The following XIRP2 variants were observed in gnomAD, a reference collection of about 807,000 sequenced individuals.
The protein encoded by XIRP2 is xin actin-binding repeat-containing protein 2.
XIRP2 carries 236 observed loss-of-function variants against 277.0 expected under a neutral mutation model. The observed-to-expected ratio is 0.85, with a 90% CI of 0.77 to 0.95. XIRP2 has a LOEUF of 0.95. XIRP2 is among the 40% of genes least tolerant of loss of function. XIRP2 has a pLI of 0.00. For missense variants in XIRP2, 4,640 were observed against 4,157.5 expected (o/e 1.12, Z -3.19); for synonymous variants, 1,490 against 1,416.5 (o/e 1.05, Z -1.17).
chr2:167,137,685 T>A (rs1291843731), intron 3 of XIRP2, among the ~76,000 whole-genome samples: 1 of 152,142 alleles, frequency 6.6e-6, no homozygotes. Context: ...ATGACTGAAA[T>A]TTAAAAGTAA....
At chr2:167,093,195 G>A (rs924977106) in intron 2 of XIRP2, among the ~76,000 whole-genome samples, 14 of 151,636 alleles carry the variant, frequency 9.2e-5, no homozygotes, top group African/African-American at 3.2e-4. Flanking sequence ...GAACATAATT[G>A]AGGTCTATAA....
At chr2:167,230,176 A>C (rs567440250) in intron 5 of XIRP2, among the ~76,000 whole-genome samples, 5 of 152,282 alleles carry the variant, frequency 3.3e-5, no homozygotes, top group Non-Finnish European at 7.4e-5. Flanking sequence ...CTTTTTCCTC[A>C]GAGTACAAAT....
chr2:166,892,643 A>G (rs867636307), intron 1 of XIRP2, among the ~76,000 whole-genome samples: 1 of 151,972 alleles, frequency 6.6e-6, no homozygotes, highest in African/African-American at 2.4e-5. Flanking sequence ...CCTTCCATCC[A>G]GGTCCCCACA....
intron 2 of XIRP2, among the ~76,000 whole-genome samples, chr2:167,068,617 T>TG (rs1045669389): frequency 2.0e-5 from 3 of 151,862 alleles, no homozygotes; most frequent in African/African-American, 7.3e-5. Flanking sequence ...CTTTTTTTTT[T>TG]CCTTTTTTAA....
chr2:167,256,909 T>G (rs1321581459), intron 10 of XIRP2, among the ~76,000 whole-genome samples: 1 of 151,882 alleles, frequency 6.6e-6, no homozygotes, highest in Non-Finnish European at 1.5e-5. Context: ...TTGATTCTAC[T>G]CTCCTATTTT....
chr2:166,899,899 G>T (rs1036631906), intron 1 of XIRP2, among the ~76,000 whole-genome samples: 11 of 152,064 alleles, frequency 7.2e-5, no homozygotes, highest in African/African-American at 2.7e-4. Context: ...CAACGTGAAT[G>T]CTGGTACTAT....
At chr2:167,119,442 A>T (rs1690991423) in intron 2 of XIRP2, among the ~76,000 whole-genome samples, 1 of 152,228 alleles carries the variant, frequency 6.6e-6, no homozygotes, top group African/African-American at 2.4e-5. Context: ...GGTCTCCATG[A>T]AACAGAGCAA....
At chr2:167,086,062 AT>A (rs1186377477) in intron 2 of XIRP2, among the ~76,000 whole-genome samples, 1 of 151,610 alleles carries the variant, frequency 6.6e-6, no homozygotes, top group African/African-American at 2.4e-5. Flanking sequence ...TTTTGGCATG[AT>A]TTTGCAGCAG....
rs1444179576 is a variant in XIRP2, at chr2:167,258,377, C to T, written c.*560C>T. On this transcript the variant is annotated 3_prime_UTR_variant, in exon 11 of 11. Coordinates refer to ENST00000409195, the MANE Select transcript of XIRP2 (RefSeq NM_152381.6). ...TTATCTACAGTCCACCCATGTTTGT[C>T]AGAAAGAGGATGTTATAGGAATCAA... 6.2e-7 allele frequency: 1 copy of T among 1,612,866 alleles called. No individual in the cohort carries two copies. The highest frequency in any genetic ancestry group is 1.7e-5 in the Admixed American group (1 of 59,878).
chr2:167,113,527 T>A (rs1690818075), intron 2 of XIRP2, among the ~76,000 whole-genome samples: 1 of 152,190 alleles, frequency 6.6e-6, no homozygotes, highest in Non-Finnish European at 1.5e-5. Context: ...ATTTTGAGCC[T>A]ATGGATGTCA....
intron 2 of XIRP2, among the ~76,000 whole-genome samples, chr2:167,015,101 C>G (rs1170947765): frequency 6.6e-6 from 1 of 151,770 alleles, no homozygotes; most frequent in South Asian, 2.1e-4. Flanking sequence ...TCACCTTTGA[C>G]CACAGGCAAG....
rs1192088014 is a variant in XIRP2 at position 167,258,614 on chromosome 2, AACACTG to A, written c.*799_*804del. On this transcript the variant is annotated 3_prime_UTR_variant, in exon 11 of 11. Transcript: ENST00000409195. Reference sequence around the variant, plus strand: ...TGGTGCAGAAGTTTTACAGGTTACTAACACTGATGATGAGATGATGCCAGAAAATCA... The same window carrying A: ...TGGTGCAGAAGTTTTACAGGTTACTAATGATGAGATGATGCCAGAAAATCA... 1.2e-6 allele frequency: 2 copies of A among 1,613,062 alleles called. No homozygotes were observed. The highest frequency in any genetic ancestry group is 1.7e-6 in the Non-Finnish European group (2 of 1,179,542).
At chr2:166,984,418 A>T (rs1399663979) in intron 2 of XIRP2, among the ~76,000 whole-genome samples, 2 of 152,172 alleles carry the variant, frequency 1.3e-5, no homozygotes, top group Non-Finnish European at 2.9e-5. Flanking sequence ...AAAATCAGTT[A>T]AAAAATGAAT....
chr2:167,082,700 T>C (rs1220099774), intron 2 of XIRP2, among the ~76,000 whole-genome samples: 3 of 152,240 alleles, frequency 2.0e-5, no homozygotes, highest in Admixed American at 6.5e-5. Context: ...TGGCCACTGA[T>C]GAGCATTTTT....
At chr2:167,027,727 C>A (rs1049084119) in intron 2 of XIRP2, among the ~76,000 whole-genome samples, 1 of 152,074 alleles carries the variant, frequency 6.6e-6, no homozygotes, top group African/African-American at 2.4e-5. Context: ...TTGTAACAGA[C>A]AGGACCCTTA....
At chr2:166,936,120 G>T (rs1189924436) in intron 2 of XIRP2, among the ~76,000 whole-genome samples, 1 of 152,180 alleles carries the variant, frequency 6.6e-6, no homozygotes, top group East Asian at 1.9e-4. Flanking sequence ...GGTGTGAGAT[G>T]GTTGTCTCAT....
chr2:167,065,570 G>T (rs1461545490), intron 2 of XIRP2, among the ~76,000 whole-genome samples: 1 of 151,486 alleles, frequency 6.6e-6, no homozygotes, highest in East Asian at 1.9e-4. Flanking sequence ...TGTGTTCTTG[G>T]TGTTATATCC....
intron 9 of XIRP2, 151 bp downstream of exon 9, chr2:167,252,098 T>C (rs1695529070): frequency 8.3e-7 from 1 of 1,200,386 alleles, no homozygotes; most frequent in Admixed American, 3.3e-5. Flanking sequence ...TATAGACTCT[T>C]TATATGCTTG....
intron 2 of XIRP2, among the ~76,000 whole-genome samples, chr2:166,911,574 C>G (rs1186176731): frequency 6.6e-6 from 1 of 152,138 alleles, no homozygotes; most frequent in Non-Finnish European, 1.5e-5. Flanking sequence ...ATTTTCCAGT[C>G]TGTGTCTTTT....
Sources: allele counts gnomAD v4.1 joint callset (sites outside exome capture counted in the v4.1 genomes callset), GRCh38; gene constraint gnomAD v4.1.1; transcripts MANE v1.5; gene names NCBI Gene and HGNC (gene_info 2026-07-23, HGNC 2026-07-21).